METAP1: variants seen among roughly 807,000 people sequenced by gnomAD.
METAP1 encodes the protein methionine aminopeptidase 1.
Under a neutral mutation model 53.8 loss-of-function variants are expected in METAP1, and 28 were observed. The ratio of observed to expected loss-of-function variants is 0.52; its 90% confidence interval spans 0.39 to 0.71. The LOEUF (loss-of-function observed/expected upper bound fraction) is 0.71. Among genes scored for constraint, METAP1 ranks in the 30% least tolerant of loss-of-function variants. METAP1 has a pLI of 0.00. For synonymous variants in METAP1, 181 were observed against 165.7 expected, an observed-to-expected ratio of 1.09 and a Z score of -0.71; for missense variants, 389 against 479.8, an observed-to-expected ratio of 0.81 and a Z score of 1.77.
chr4:99,045,555 A>T (rs1726158814), intron 8 of METAP1, among the ~76,000 whole-genome samples: 2 of 152,196 alleles, frequency 1.3e-5, no homozygotes, highest in African/African-American at 4.8e-5. Context: ...TTTGCCTGAT[A>T]AATGAAGAGG....
intron 1 of METAP1, among the ~76,000 whole-genome samples, chr4:99,018,291 A>G (rs1032943819): frequency 6.6e-6 from 1 of 152,260 alleles, no homozygotes; most frequent in Non-Finnish European, 1.5e-5. Context: ...GGAGACCCGC[A>G]GTCCCTTAGA....
chr4:99,025,756 G>A (rs1405530410), intron 1 of METAP1, among the ~76,000 whole-genome samples: 1 of 152,128 alleles, frequency 6.6e-6, no homozygotes, highest in Non-Finnish European at 1.5e-5. Context: ...TACCCTTCCA[G>A]CATTAGCATC....
intron 5 of METAP1, 75 bp downstream of exon 5, chr4:99,039,540 T>C (rs1725690901): frequency 3.5e-6 from 3 of 861,850 alleles, no homozygotes; most frequent in Non-Finnish European, 5.6e-6. Context: ...GGTTTGCTGA[T>C]TTATAAAGAT....
chr4:99,035,345 C>A, intron 3 of METAP1, 55 bp from the exon 4 acceptor site: 1 of 1,279,940 alleles, frequency 7.8e-7, no homozygotes, highest in South Asian at 1.3e-5. Context: ...TTCTTTCTCC[C>A]CTCGTTTTAT....
intron 1 of METAP1, among the ~76,000 whole-genome samples, chr4:99,000,807 G>T (rs552254074): frequency 6.6e-6 from 1 of 151,648 alleles, no homozygotes; most frequent in South Asian, 2.1e-4. Context: ...AGGCTCAAGT[G>T]ATCCTCCTAC....
intron 1 of METAP1, among the ~76,000 whole-genome samples, chr4:99,019,782 G>A (rs944832252): frequency 3.9e-5 from 6 of 152,052 alleles, no homozygotes; most frequent in African/African-American, 1.4e-4. Flanking sequence ...GCTTCCTCGC[G>A]ATACCTGGCC....
intron 1 of METAP1, among the ~76,000 whole-genome samples, chr4:99,021,946 A>AAT (rs748824559): frequency 7.2e-5 from 11 of 152,176 alleles, no homozygotes; most frequent in Non-Finnish European, 1.2e-4. Flanking sequence ...TTAACCGGGG[A>AAT]ATGATAAATC....
chr4:99,040,824 C>T (rs967714618), intron 5 of METAP1, among the ~76,000 whole-genome samples: 3 of 151,522 alleles, frequency 2.0e-5, no homozygotes, highest in Non-Finnish European at 4.4e-5. Flanking sequence ...ACATAGAAAT[C>T]AGCCAACCTT....
chr4:99,025,787 TAAG>T (rs1724519001), intron 1 of METAP1, among the ~76,000 whole-genome samples: 1 of 152,160 alleles, frequency 6.6e-6, no homozygotes, highest in African/African-American at 2.4e-5. Context: ...TTGAGTCTGA[TAAG>T]AAATATTTAC....
intron 9 of METAP1, among the ~76,000 whole-genome samples, chr4:99,053,055 T>A (rs1415696301): frequency 6.6e-6 from 1 of 152,204 alleles, no homozygotes; most frequent in Non-Finnish European, 1.5e-5. Context: ...ATCCTCAGGC[T>A]CCATTACTAA....
At chr4:99,034,515 A>G (rs1455037107) in intron 3 of METAP1, among the ~76,000 whole-genome samples, 173 bp downstream of exon 3, 1 of 152,168 alleles carries the variant, frequency 6.6e-6, no homozygotes, top group African/African-American at 2.4e-5. Context: ...TAGTTTGGCA[A>G]TCATGGAAGA....
chr4:99,055,249 G>A (rs544499063), intron 9 of METAP1, among the ~76,000 whole-genome samples: 3 of 152,126 alleles, frequency 2.0e-5, no homozygotes, highest in African/African-American at 7.2e-5. Context: ...AAATTAGCCG[G>A]CCATGGTGCA....
chr4:99,004,533 C>T (rs1723089633), intron 1 of METAP1, among the ~76,000 whole-genome samples: 1 of 149,260 alleles, frequency 6.7e-6, no homozygotes, highest in South Asian at 2.1e-4. Context: ...AGCAAATCAT[C>T]CACGGGATCT....
At chr4:99,021,349 T>C (rs1438176282) in intron 1 of METAP1, among the ~76,000 whole-genome samples, 1 of 152,154 alleles carries the variant, frequency 6.6e-6, no homozygotes, top group Non-Finnish European at 1.5e-5. Context: ...TTTAAAAGTC[T>C]CCTTGTCCCC....
chr4:99,022,812 C>A (rs1013912698), intron 1 of METAP1: 2 of 1,592,026 alleles, frequency 1.3e-6, no homozygotes, highest in African/African-American at 2.7e-5. Context: ...TCCACCCATC[C>A]CTCTGTGTAG....
At chr4:99,060,798 A>G (rs1398596646) in intron 10 of METAP1, among the ~76,000 whole-genome samples, 1 of 152,200 alleles carries the variant, frequency 6.6e-6, no homozygotes, top group Admixed American at 6.5e-5. Flanking sequence ...GTACATATTC[A>G]TAGGGTACAT....
chr4:99,035,566 TAATA>T (rs1439569916), intron 4 of METAP1, 106 bp downstream of exon 4: 15 of 793,184 alleles, frequency 1.9e-5, no homozygotes, highest in Non-Finnish European at 3.1e-5. Flanking sequence ...GCTGGACTTC[TAATA>T]AATGTGTTTT....
At chr4:99,046,287 G>A (rs1011099571) in intron 8 of METAP1, among the ~76,000 whole-genome samples, 11 of 152,084 alleles carry the variant, frequency 7.2e-5, no homozygotes, top group African/African-American at 1.9e-4. Context: ...GGTGGCGGGC[G>A]CCTGTAATCC....
chr4:99,039,577 C>A, intron 5 of METAP1, 112 bp downstream of exon 5: 2 of 577,776 alleles, frequency 3.5e-6, no homozygotes, highest in Non-Finnish European at 5.8e-6. Context: ...TTAGACTGAC[C>A]AGCCATGCTT....
Sources: gnomAD v4.1 joint callset for allele counts (sites outside exome capture counted in the v4.1 genomes callset) on GRCh38, gnomAD v4.1.1 for gene constraint, MANE v1.5 for transcripts, NCBI Gene and HGNC (gene_info 2026-07-23, HGNC 2026-07-21) for gene names.